Variants in CDH13 observed in about 807,000 individuals in gnomAD.
The protein encoded by CDH13 is cadherin-13.
Under a neutral mutation model 63.8 loss-of-function variants are expected in CDH13, and 24 were observed. The ratio of observed to expected loss-of-function variants is 0.38; its 90% CI spans 0.27 to 0.53. The LOEUF (loss-of-function observed/expected upper bound fraction) is 0.53. CDH13 is among the 20% of genes least tolerant of loss of function. The pLI is 0.85. For synonymous variants in CDH13, 503 were observed against 355.3 expected (o/e 1.42, Z -4.67); for missense variants, 1,049 against 903.1 (o/e 1.16, Z -2.07).
chr16:82,636,443 C>G (rs1451614901), intron 1 of CDH13, among the ~76,000 whole-genome samples: 2 of 152,200 alleles, frequency 1.3e-5, no homozygotes, highest in Non-Finnish European at 2.9e-5. Context: ...GACGTGCAGC[C>G]TGTACAATTA....
chr16:83,061,959 C>G (rs886182321), intron 3 of CDH13, among the ~76,000 whole-genome samples: 1 of 152,156 alleles, frequency 6.6e-6, no homozygotes, highest in Non-Finnish European at 1.5e-5. Context: ...TGATTTGGAG[C>G]TCGAAACTGA....
chr16:83,103,298 G>A (rs574044766), intron 3 of CDH13, among the ~76,000 whole-genome samples: 2 of 108,020 alleles, frequency 1.9e-5, no homozygotes, highest in Non-Finnish European at 4.0e-5. Flanking sequence ...GGGATGAAGT[G>A]CTGTGGCGTG....
At chr16:83,538,181 T>C (rs1299953539) in intron 7 of CDH13, among the ~76,000 whole-genome samples, 3 of 152,200 alleles carry the variant, frequency 2.0e-5, no homozygotes, top group Non-Finnish European at 4.4e-5. Flanking sequence ...GAGAAAATCA[T>C]TTATAAAGAT....
chr16:83,753,952 T>G (rs28693413), intron 11 of CDH13, among the ~76,000 whole-genome samples: 1 of 150,736 alleles, frequency 6.6e-6, no homozygotes, highest in Non-Finnish European at 1.5e-5. Flanking sequence ...AAAGAAAACC[T>G]TTTTTTTTCT....
At chr16:83,761,734 C>A (rs1913985575) in intron 11 of CDH13, among the ~76,000 whole-genome samples, 2 of 152,180 alleles carry the variant, frequency 1.3e-5, no homozygotes, top group Admixed American at 1.3e-4. Flanking sequence ...AAGAAGGCAG[C>A]TTTAGGCTAA....
intron 2 of CDH13, among the ~76,000 whole-genome samples, chr16:82,928,408 C>G (rs528308238): frequency 6.6e-6 from 1 of 152,168 alleles, no homozygotes; most frequent in South Asian, 2.1e-4. Flanking sequence ...GAAGATAGGC[C>G]CAATTAAAAT....
intron 8 of CDH13, among the ~76,000 whole-genome samples, chr16:83,662,601 A>C (rs1913539716): frequency 6.6e-6 from 1 of 152,196 alleles, no homozygotes; most frequent in Non-Finnish European, 1.5e-5. Flanking sequence ...AAGCCTGAAG[A>C]CAGGCATGTG....
At chr16:83,743,389 G>A (rs1185663919) in intron 10 of CDH13, among the ~76,000 whole-genome samples, 2 of 152,118 alleles carry the variant, frequency 1.3e-5, no homozygotes, top group African/African-American at 2.4e-5. Flanking sequence ...AGGCCTAACC[G>A]TGCTGAGTAT....
chr16:83,193,424 C>T (rs957559573), intron 4 of CDH13, among the ~76,000 whole-genome samples: 2 of 152,168 alleles, frequency 1.3e-5, no homozygotes, highest in African/African-American at 4.8e-5. Context: ...ACCCTACCTC[C>T]TGGGGAGAAG....
chr16:83,540,745 C>A (rs930272793), intron 7 of CDH13, among the ~76,000 whole-genome samples: 1 of 152,086 alleles, frequency 6.6e-6, no homozygotes, highest in Non-Finnish European at 1.5e-5. Context: ...GTAGTAATTG[C>A]GGCAGTCAGC....
intron 9 of CDH13, among the ~76,000 whole-genome samples, chr16:83,676,011 C>A (rs558171994): frequency 3.2e-4 from 48 of 152,224 alleles, no homozygotes; most frequent in Middle Eastern, 3.4e-3. Flanking sequence ...TCTGCAGCCT[C>A]CCAGGCAGCT....
At position 83,795,300 on chromosome 16, in the gene CDH13, G is replaced by T. The variant is rs1407228684; in HGVS notation, c.*270G>T. The T allele has an allele frequency of 4.3e-6, 2 of 460,078 alleles. No homozygotes were observed. Among genetic ancestry groups the T allele is most frequent in the African/African-American group, 4.0e-5 (2 of 50,632 alleles). The allele number at this position is 460,078 out of a possible 1,614,324, so 28.5% of individuals were successfully genotyped here. A position where few individuals can be genotyped will look rare whatever the true frequency, so the allele number is the denominator to read the frequency against. ...ATATGACTTGATCTTCTGGGAGCAG[G>T]AACAATGACTACTTTTTCTGGTGTG... is the stretch of plus-strand genomic sequence containing the variant. On this transcript the variant is annotated 3_prime_UTR_variant, in exon 14 of 14. Transcript: ENST00000567109.
intron 7 of CDH13, among the ~76,000 whole-genome samples, chr16:83,542,073 G>A (rs1202550364): frequency 6.6e-6 from 1 of 152,204 alleles, no homozygotes; most frequent in Non-Finnish European, 1.5e-5. Context: ...CATCACCCCA[G>A]AGCTTGCTAG....
intron 8 of CDH13, among the ~76,000 whole-genome samples, chr16:83,603,856 C>G (rs1598357088): frequency 6.6e-6 from 1 of 152,196 alleles, no homozygotes; most frequent in Admixed American, 6.5e-5. Context: ...CTGGGGAGAC[C>G]TCAGGAAACA....
intron 6 of CDH13, among the ~76,000 whole-genome samples, chr16:83,415,571 C>A (rs1344619908): frequency 1.3e-5 from 2 of 152,134 alleles, no homozygotes; most frequent in African/African-American, 2.4e-5. Flanking sequence ...AGGTCATGAT[C>A]AAGTGTGCAT....
intron 1 of CDH13, among the ~76,000 whole-genome samples, chr16:82,836,058 G>A (rs2038753853): frequency 6.6e-6 from 1 of 152,148 alleles, no homozygotes; most frequent in African/African-American, 2.4e-5. Context: ...TTCCCATATG[G>A]CTTTTCAGGG....
chr16:83,317,368 C>T (rs931106200), intron 5 of CDH13, among the ~76,000 whole-genome samples: 2 of 152,192 alleles, frequency 1.3e-5, no homozygotes, highest in African/African-American at 4.8e-5. Flanking sequence ...AACTTACCAG[C>T]AAGCTCCAAG....
chr16:83,702,198 G>T (rs533149160), intron 10 of CDH13, among the ~76,000 whole-genome samples: 16 of 152,250 alleles, frequency 1.1e-4, no homozygotes, highest in African/African-American at 3.1e-4. Context: ...TACCCTCCTT[G>T]GTACTCACTT....
At chr16:82,711,724 C>T (rs969573626) in intron 1 of CDH13, among the ~76,000 whole-genome samples, 1 of 152,190 alleles carries the variant, frequency 6.6e-6, no homozygotes, top group Non-Finnish European at 1.5e-5. Context: ...TTTGCTGCTG[C>T]TGAAACACTG....
Sources: gnomAD v4.1 joint callset for allele counts (sites outside exome capture counted in the v4.1 genomes callset) on GRCh38, gnomAD v4.1.1 for gene constraint, MANE v1.5 for transcripts, NCBI Gene and HGNC (gene_info 2026-07-23, HGNC 2026-07-21) for gene names.